TATDN3: variants seen among roughly 807,000 people sequenced by gnomAD.
TATDN3 encodes the protein TatD DNase domain containing 3.
In TATDN3, 29 loss-of-function variants were observed where a neutral mutation model predicts 40.1. That is an observed-to-expected ratio of 0.72 (90% confidence interval 0.54 to 0.99). The LOEUF (loss-of-function observed/expected upper bound fraction) is 0.99, where lower values mean the gene tolerates loss of function less well. Among genes scored for constraint, TATDN3 ranks in the 50% least tolerant of loss-of-function variants. The pLI, the probability that TATDN3 is intolerant of heterozygous loss-of-function variation, is 0.00. For synonymous variants in TATDN3, 105 were observed against 117.0 expected (o/e 0.90, Z 0.66); for missense variants, 309 against 321.9 (o/e 0.96, Z 0.31).
chr1:212,811,772 G>A (rs929151995), intron 8 of TATDN3, among the ~76,000 whole-genome samples: 6 of 151,034 alleles, frequency 4.0e-5, no homozygotes, highest in Admixed American at 6.6e-5. Context: ...GGGTGATCTC[G>A]GCTCACTGCA....
intron 4 of TATDN3, among the ~76,000 whole-genome samples, chr1:212,801,384 T>C (rs1312153839): frequency 6.6e-6 from 1 of 152,196 alleles, no homozygotes; most frequent in Admixed American, 6.5e-5. Flanking sequence ...ATTAAATAAG[T>C]AATATGAATT....
chr1:212,816,106 AT>A lies in TATDN3; in HGVS notation c.*953del, dbSNP rs1220329151. On this transcript the variant is annotated 3_prime_UTR_variant, in exon 10 of 10. Transcript: ENST00000366974. ...GTTCTGGTCTGAATTTTGTCAACAT[AT>A]TTAGAATGTAAATGGCATTATTAAA... is the stretch of plus-strand genomic sequence containing the variant. 1 of 152,276 alleles carries A rather than the reference AT, an allele frequency of 6.6e-6. No individual in the cohort carries two copies. Among genetic ancestry groups the A allele is most frequent in the Non-Finnish European group, 1.5e-5 (1 of 68,026 alleles). The allele number at this position is 152,276 out of a possible 1,614,324, so 9.4% of individuals were successfully genotyped here.
Position 212,791,984 on chromosome 1 carries a change from C to T in TATDN3, c.63C>T (p.Asp21=). The change falls in exon 1 of 10, where the codon GAC becomes GAT. Residue 21 remains aspartate (D), a synonymous_variant. Coordinates refer to ENST00000366974, the MANE Select transcript of TATDN3 (RefSeq NM_001042552.3). ...CHCHLSAPDF[D]RDLDDVLEKA... is the part of the protein sequence containing the mutation. ...GCCACCTCTCCGCCCCGGACTTTGA[C>T]CGCGTATGTGAGGGCGATACGGGAC... 1 of 1,614,086 alleles carries T rather than the reference C, an allele frequency of 6.2e-7. No homozygotes were observed. Among genetic ancestry groups the T allele is most frequent in the Middle Eastern group, 1.7e-4 (1 of 6,060 alleles).
intron 1 of TATDN3, chr1:212,794,755 T>TTA (rs1406192375): frequency 2.1e-6 from 1 of 485,598 alleles, no homozygotes; most frequent in Non-Finnish European, 4.0e-6. Context: ...AATGAGAGAG[T>TTA]GGTATTGCAG....
rs1466147775 is a variant in TATDN3 at position 212,809,466 on chromosome 1, C to T, written c.600+1618C>T. Among the ~76,000 whole-genome samples, 4 of 152,162 alleles carry T rather than the reference C, an allele frequency of 2.6e-5. 1 individual carries two copies. The highest frequency in any genetic ancestry group is 3.9e-4 in the East Asian group (2 of 5,176). On this transcript the variant is annotated intron_variant, in intron 8 of 9. Transcript: ENST00000366974. ...TTGGGAGGCCGAGGCGGGCAGATCA[C>T]GAGGTCAGGAGATCGAGACCATCCT...
chr1:212,815,127 C>A lies in TATDN3; in HGVS notation c.796C>A (p.Pro266Thr). 6.2e-7 allele frequency: 1 copy of A among 1,613,130 alleles called. No homozygotes were observed. The highest frequency in any genetic ancestry group is 1.1e-5 in the South Asian group (1 of 90,786). The change falls in exon 10 of 10, where the codon CCT becomes ACT. Residue 266 changes from proline to threonine, a missense_variant. Pro to Thr is a conservative substitution (Grantham distance 38). Transcript: ENST00000366974. ...GACACAGAATGCATTAAAACTGTTT[C>A]CTAAGCTCCGACACTTGCTCCAGAA... ...VTTQNALKLFPKLRHLLQK is the reference protein window; with the variant it reads ...VTTQNALKLFTKLRHLLQK
At position 212,796,507 on chromosome 1, in the gene TATDN3, T is replaced by C. The variant is rs1324295994; in HGVS notation, c.100-10T>C. 3 of 1,524,372 alleles carry C rather than the reference T, an allele frequency of 2.0e-6. No individual in the cohort carries two copies. Among genetic ancestry groups the C allele is most frequent in the African/African-American group, 2.8e-5 (2 of 70,330 alleles). The allele number at this position is 1,524,372 out of a possible 1,614,324, so 94.4% of individuals were successfully genotyped here. On this transcript the variant is annotated splice_polypyrimidine_tract_variant and intron_variant, in intron 2 of 9. Coordinates refer to ENST00000366974, the MANE Select transcript of TATDN3 (RefSeq NM_001042552.3). ...ATTGTTTGTAACTTTATTCTTTTTT[T>C]TTTTTTCAGGCCAATGTTGTGGCCC...
At chr1:212,801,933 T>C (rs1277966352) in intron 4 of TATDN3, among the ~76,000 whole-genome samples, 1 of 152,232 alleles carries the variant, frequency 6.6e-6, no homozygotes, top group East Asian at 1.9e-4. Flanking sequence ...TCATCTGCTT[T>C]ACCTTCCTTT....
Position 212,791,933 on chromosome 1 carries a change from T to G in TATDN3, c.12T>G (p.Ala4=), listed in dbSNP as rs756290328. ...GCCGCCGGGGCGCAATGCGAGCGGC[T>G]GGCGTAGGCTTGGTGGACTGTCACT... The part of the protein sequence containing the change: MRA[A]GVGLVDCHCH... The change falls in exon 1 of 10, where the codon GCT becomes GCG. Residue 4 remains alanine (A), a synonymous_variant. Coordinates refer to ENST00000366974, the MANE Select transcript of TATDN3 (RefSeq NM_001042552.3). 6.2e-7 allele frequency: 1 copy of G among 1,613,558 alleles called. No individual in the cohort carries two copies. Among genetic ancestry groups the G allele is most frequent in the South Asian group, 1.1e-5 (1 of 91,058 alleles).
At chr1:212,799,710 T>C (rs1044689864) in intron 4 of TATDN3, among the ~76,000 whole-genome samples, 1 of 152,100 alleles carries the variant, frequency 6.6e-6, no homozygotes, top group Non-Finnish European at 1.5e-5. Context: ...GCTAATTTTT[T>C]GTATTTTTAG....
intron 4 of TATDN3, among the ~76,000 whole-genome samples, chr1:212,798,555 A>AAAAAAAAAAAAAAAAAG (rs1558077897): frequency 6.7e-6 from 1 of 150,262 alleles, no homozygotes; most frequent in Non-Finnish European, 1.5e-5. Context: ...AAAAAAAAAA[A>AAAAAAAAAAAAAAAAAG]AAAGAAAAGA....
At chr1:212,809,626 AGTGAGCCGAGATCG>A (rs1398346268) in intron 8 of TATDN3, among the ~76,000 whole-genome samples, 1 of 151,822 alleles carries the variant, frequency 6.6e-6, no homozygotes, top group Non-Finnish European at 1.5e-5. Flanking sequence ...CAGAGCCTGC[AGTGAGCCGAGATCG>A]CGCCACTGCA....
intron 5 of TATDN3, 31 bp downstream of exon 5, chr1:212,802,794 C>A (rs774875403): frequency 7.2e-7 from 1 of 1,390,136 alleles, no homozygotes; most frequent in East Asian, 2.3e-5. Context: ...CAAACAGCTT[C>A]TAATTCAGAC....
Position 212,807,763 on chromosome 1 carries a change from T to C in TATDN3, c.515T>C (p.Phe172Ser), listed in dbSNP as rs185603499. 2.6e-4 allele frequency: 426 copies of C among 1,613,640 alleles called. 6 individuals are homozygous for C. The highest frequency in any genetic ancestry group is 2.3e-3 in the South Asian group (208 of 90,954). The change falls in exon 8 of 10, where the codon TTT becomes TCT. Residue 172 changes from phenylalanine to serine, a missense_variant. Transcript: ENST00000366974. ...GCTGAGAAGGTACTGCTGCATGCAT[T>C]TGATGGTCGGCCATCTGTAGCCATG... ...QGAEKVLLHAFDGRPSVAMEG... is the reference protein window; with the variant it reads ...QGAEKVLLHASDGRPSVAMEG...
chr1:212,805,182 G>A (rs1662382491), intron 7 of TATDN3, among the ~76,000 whole-genome samples: 1 of 151,744 alleles, frequency 6.6e-6, no homozygotes, highest in Non-Finnish European at 1.5e-5. Context: ...GGCTGGTCTC[G>A]AACTCCTGAC....
chr1:212,798,229 G>T (rs1271379602), intron 4 of TATDN3, among the ~76,000 whole-genome samples: 1 of 151,970 alleles, frequency 6.6e-6, no homozygotes, highest in African/African-American at 2.4e-5. Context: ...GGGAGACTAA[G>T]GTGGGAGAAT....
At chr1:212,814,929 A>G in intron 9 of TATDN3, 84 bp from the exon 10 acceptor site, 3 of 1,440,506 alleles carry the variant, frequency 2.1e-6, no homozygotes, top group Non-Finnish European at 2.8e-6. Flanking sequence ...GTTTTTACCA[A>G]CTCATTTTCT....
chr1:212,804,396 A>T lies in TATDN3; in HGVS notation c.398A>T (p.Gln133Leu). The T allele has an allele frequency of 6.2e-7, 1 of 1,614,106 alleles. No individual in the cohort carries two copies. The highest frequency in any genetic ancestry group is 1.7e-5 in the Admixed American group (1 of 60,022). ...GAGCAAAGACAAGTCCTAATCAGAC[A>T]GATCCAGTTAGCCAAAAGACTAAAT... Reference protein sequence around the residue: ...KEEQRQVLIRQIQLAKRLNLP... With the variant: ...KEEQRQVLIRLIQLAKRLNLP... The change falls in exon 6 of 10, where the codon CAG becomes CTG. Residue 133 changes from glutamine (Q) to leucine (L), a missense_variant. Transcript: ENST00000366974.
rs1440564459 is a variant in TATDN3, at chr1:212,802,774, A to G, written c.321+11A>G. On this transcript the variant is annotated intron_variant, in intron 5 of 9. Transcript: ENST00000366974. ...TTGGCAATTGGAGAGGTAAACACCC[A>G]CTAACTGATCAAACAGCTTCTAATT... 6.3e-7 allele frequency: 1 copy of G among 1,584,918 alleles called. No homozygotes were observed. The highest frequency in any genetic ancestry group is 1.3e-5 in the African/African-American group (1 of 74,466).
Sources: gnomAD v4.1 joint callset for allele counts (sites outside exome capture counted in the v4.1 genomes callset) on GRCh38, gnomAD v4.1.1 for gene constraint, MANE v1.5 for transcripts, NCBI Gene and HGNC (gene_info 2026-07-23, HGNC 2026-07-21) for gene names.